HMHB1: variants seen among roughly 807,000 people sequenced by gnomAD.
The protein encoded by HMHB1 is histocompatibility minor HB-1, also known as minor histocompatibility protein HB-1.
HMHB1 carries 4 observed loss-of-function variants against 2.4 expected under a neutral mutation model. That is an observed-to-expected ratio of 1.65 (90% confidence interval 0.81 to 3.77). HMHB1 has a LOEUF of 3.77. Among genes scored for constraint, HMHB1 ranks in the 30% most tolerant of loss-of-function variants. The probability of loss-of-function intolerance (pLI) is 0.01; values close to 1 mark genes in which losing one functional copy is unlikely to be tolerated. For synonymous variants in HMHB1, 22 were observed against 17.6 expected, an observed-to-expected ratio of 1.25 and a Z score of -0.63; for missense variants, 57 against 44.2, an observed-to-expected ratio of 1.29 and a Z score of -0.82.
At chr5:143,815,722 C>A (rs1383492635) in intron 1 of HMHB1, among the ~76,000 whole-genome samples, 1 of 137,366 alleles carries the variant, frequency 7.3e-6, no homozygotes, top group Admixed American at 7.6e-5. Context: ...TTTTTTGAGA[C>A]GGAGTCTCGC....
intron 1 of HMHB1, among the ~76,000 whole-genome samples, chr5:143,816,203 T>A (rs1039394608): frequency 5.3e-5 from 8 of 152,356 alleles, no homozygotes; most frequent in African/African-American, 1.9e-4. Flanking sequence ...ATATATTTTT[T>A]AAATATTCTC....
intron 1 of HMHB1, among the ~76,000 whole-genome samples, chr5:143,814,348 C>CT (rs1759725257): frequency 6.6e-6 from 1 of 152,132 alleles, no homozygotes; most frequent in Non-Finnish European, 1.5e-5. Flanking sequence ...ATTTGTTATT[C>CT]TTTGTCTCTC....
intron 1 of HMHB1, among the ~76,000 whole-genome samples, chr5:143,819,951 C>T (rs918729382): frequency 6.6e-6 from 1 of 152,028 alleles, no homozygotes; most frequent in East Asian, 1.9e-4. Flanking sequence ...TGGAAATCTG[C>T]CATGAGATAT....
chr5:143,820,530 T>A lies in HMHB1; in HGVS notation c.88T>A (p.Tyr30Asn), dbSNP rs369168093. 16 of 1,613,124 alleles carry A rather than the reference T, an allele frequency of 9.9e-6. No homozygotes were observed. The African/African-American group carries it at 2.1e-4, about 22-fold the overall frequency. The stretch of plus-strand genomic sequence containing the variant: ...ATTGGTTGAAGTTGAAGATGATGTG[T>A]ATCTGAGGCACAGCTCTTCCCTGAC... Residue 30 changes from tyrosine to asparagine, a missense_variant, in exon 2 of 2, where the codon TAT becomes AAT. Coordinates refer to ENST00000289448, the MANE Select transcript of HMHB1 (RefSeq NM_021182.3).
intron 1 of HMHB1, among the ~76,000 whole-genome samples, chr5:143,815,998 G>A (rs1181300866): frequency 6.6e-6 from 1 of 152,162 alleles, no homozygotes; most frequent in Non-Finnish European, 1.5e-5. Context: ...GAGCCGCTGT[G>A]CCCAGCCCTC....
intron 1 of HMHB1, among the ~76,000 whole-genome samples, chr5:143,818,332 T>A (rs1043868656): frequency 6.6e-6 from 1 of 152,188 alleles, no homozygotes; most frequent in Non-Finnish European, 1.5e-5. Flanking sequence ...GGGTAAAATT[T>A]GAAAGGACAT....
intron 1 of HMHB1, among the ~76,000 whole-genome samples, chr5:143,814,083 A>G (rs1759722391): frequency 1.3e-5 from 2 of 152,322 alleles, no homozygotes; most frequent in South Asian, 2.1e-4. Flanking sequence ...TTCCTCATCT[A>G]TCCTTGTCTT....
intron 1 of HMHB1, among the ~76,000 whole-genome samples, chr5:143,819,249 A>G (rs1759780530): frequency 6.6e-6 from 1 of 152,174 alleles, no homozygotes; most frequent in African/African-American, 2.4e-5. Flanking sequence ...ACTGGTAGGG[A>G]GGAGCATGGA....
At chr5:143,819,038 T>C (rs961336101) in intron 1 of HMHB1, among the ~76,000 whole-genome samples, 1 of 152,232 alleles carries the variant, frequency 6.6e-6, no homozygotes, top group African/African-American at 2.4e-5. Context: ...TTTCTCTGAT[T>C]GTCTCTCTAT....
chr5:143,812,211 A>G lies in HMHB1; in HGVS notation c.-57A>G. On this transcript the variant is annotated 5_prime_UTR_variant, in exon 1 of 2. Transcript: ENST00000289448. ...TTGCCCCGCATCTCAGAAGCCGGGC[A>G]GGCCCTGAGCCTTCTGACCTCACAT... The G allele has an allele frequency of 2.0e-6, 3 of 1,517,912 alleles. No individual in the cohort carries two copies. The highest frequency in any genetic ancestry group is 1.4e-5 in the African/African-American group (1 of 72,178). The allele number at this position is 1,517,912 out of a possible 1,614,324, so 94.0% of individuals were successfully genotyped here. A position where few individuals can be genotyped will look rare whatever the true frequency, so the allele number is the denominator to read the frequency against.
intron 1 of HMHB1, among the ~76,000 whole-genome samples, chr5:143,814,713 A>G (rs1448118228): frequency 6.6e-6 from 1 of 152,242 alleles, no homozygotes; most frequent in Non-Finnish European, 1.5e-5. Flanking sequence ...AGTAACCAGT[A>G]TTAGTGTATA....
In HMHB1 at chr5:143,812,197, C is replaced by A; in HGVS notation, c.-71C>A. The A allele has an allele frequency of 6.8e-7, 1 of 1,466,980 alleles. No homozygotes were observed. The highest frequency in any genetic ancestry group is 1.2e-5 in the South Asian group (1 of 80,512). The allele number at this position is 1,466,980 out of a possible 1,614,324, so 90.9% of individuals were successfully genotyped here. On this transcript the variant is annotated 5_prime_UTR_variant, in exon 1 of 2. Coordinates refer to ENST00000289448, the MANE Select transcript of HMHB1 (RefSeq NM_021182.3). The stretch of plus-strand genomic sequence containing the variant: ...GAGGCCGAGGCGGCTTGCCCCGCAT[C>A]TCAGAAGCCGGGCAGGCCCTGAGCC...
At chr5:143,812,461 T>C (rs753514513) in intron 1 of HMHB1, among the ~76,000 whole-genome samples, 157 bp downstream of exon 1, 2 of 152,130 alleles carry the variant, frequency 1.3e-5, no homozygotes, top group Non-Finnish European at 2.9e-5. Context: ...ACGGCCCTTG[T>C]TGCTGGGATT....
At chr5:143,819,955 G>A (rs1431473499) in intron 1 of HMHB1, among the ~76,000 whole-genome samples, 4 of 152,092 alleles carry the variant, frequency 2.6e-5, no homozygotes, top group Admixed American at 2.6e-4. Context: ...AATCTGCCAT[G>A]AGATATACTA....
At chr5:143,819,732 C>T (rs889966271) in intron 1 of HMHB1, among the ~76,000 whole-genome samples, 2 of 151,906 alleles carry the variant, frequency 1.3e-5, no homozygotes, top group Non-Finnish European at 2.9e-5. Context: ...TATCCAGTTC[C>T]AAAGCTCCCT....
At chr5:143,814,959 C>T (rs910559820) in intron 1 of HMHB1, among the ~76,000 whole-genome samples, 2 of 152,132 alleles carry the variant, frequency 1.3e-5, no homozygotes, top group African/African-American at 2.4e-5. Flanking sequence ...TTTGTTATCC[C>T]GTCAAACCTT....
intron 1 of HMHB1, among the ~76,000 whole-genome samples, chr5:143,817,518 G>A (rs955451830): frequency 1.3e-4 from 20 of 152,100 alleles, no homozygotes; most frequent in Non-Finnish European, 2.5e-4. Context: ...TTGGCTGTAA[G>A]TATTTGGGTT....
Position 143,812,638 on chromosome 5 carries a change from C to T in HMHB1, c.37+334C>T, listed in dbSNP as rs115034682. Reference sequence around the variant, plus strand: ...AGATGGGCAGGAAGTCCCTCTGGGTCGGAGCCAGGGTAGCCAAGATCACAT... The same window carrying T: ...AGATGGGCAGGAAGTCCCTCTGGGTTGGAGCCAGGGTAGCCAAGATCACAT... On this transcript the variant is annotated intron_variant, in intron 1 of 1. Transcript: ENST00000289448. 7.2e-3 allele frequency among the ~76,000 whole-genome samples: 1,090 copies of T among 152,196 alleles called. 14 individuals are homozygous for T. Among genetic ancestry groups the T allele is most frequent in the African/African-American group, 0.025 (1,053 of 41,518 alleles).
chr5:143,819,125 G>GT lies in HMHB1; in HGVS notation c.38-1354dup, dbSNP rs528890263. 1.7e-4 allele frequency among the ~76,000 whole-genome samples: 26 copies of GT among 152,220 alleles called. No homozygotes were observed. The East Asian group carries it at 4.8e-3, about 28-fold the overall frequency. On this transcript the variant is annotated intron_variant, in intron 1 of 1. Transcript: ENST00000289448. ...TTTTCTCTGCTTCTCCATGAATGTG[G>GT]TAACAGAAGATAGGAATTACACAAT...
Sources: gnomAD v4.1 joint callset for allele counts (sites outside exome capture counted in the v4.1 genomes callset) on GRCh38, gnomAD v4.1.1 for gene constraint, MANE v1.5 for transcripts, NCBI Gene and HGNC (gene_info 2026-07-23, HGNC 2026-07-21) for gene names.